SHISA9: variants seen among roughly 807,000 people sequenced by gnomAD.
SHISA9 encodes the protein protein shisa-9.
In SHISA9, 13 loss-of-function variants were observed where a neutral mutation model predicts 38.0. The ratio of observed to expected loss-of-function variants is 0.34; its 90% confidence interval spans 0.22 to 0.54. SHISA9 has a LOEUF of 0.54. Ranked by LOEUF, SHISA9 falls within the 20% of genes least tolerant of loss-of-function variation. The pLI, the probability that SHISA9 is intolerant of heterozygous loss-of-function variation, is 0.91. For synonymous variants in SHISA9, 275 were observed against 242.0 expected, an observed-to-expected ratio of 1.14 and a Z score of -1.27; for missense variants, 538 against 575.8, an observed-to-expected ratio of 0.93 and a Z score of 0.67.
At chr16:13,094,706 C>T (rs1360520198) in intron 2 of SHISA9, among the ~76,000 whole-genome samples, 1 of 152,088 alleles carries the variant, frequency 6.6e-6, no homozygotes, top group Non-Finnish European at 1.5e-5. Context: ...CCTGATTGGC[C>T]TGTAGACTTT....
chr16:13,027,446 C>G (rs1195390797), intron 2 of SHISA9, among the ~76,000 whole-genome samples: 1 of 152,128 alleles, frequency 6.6e-6, no homozygotes, highest in African/African-American at 2.4e-5. Flanking sequence ...TCCTCTGTAT[C>G]TATCCAAGAG....
chr16:13,371,902 G>C, the SHISA9 span, among the ~76,000 whole-genome samples: 5 of 152,164 alleles, frequency 3.3e-5, no homozygotes, highest in African/African-American at 4.8e-5. Context: ...ATTCCAACTT[G>C]ACTTCTCAAA....
chr16:13,362,214 CAAAA>C, the SHISA9 span, among the ~76,000 whole-genome samples: 1 of 127,526 alleles, frequency 7.8e-6, no homozygotes. Flanking sequence ...GAACGACAGC[CAAAA>C]AAAAAAAAAA....
At chr16:13,033,378 A>C (rs1310630549) in intron 2 of SHISA9, among the ~76,000 whole-genome samples, 1 of 152,134 alleles carries the variant, frequency 6.6e-6, no homozygotes, top group Admixed American at 6.5e-5. Context: ...CACTATAAGA[A>C]CCAAAACCAG....
intron 2 of SHISA9, among the ~76,000 whole-genome samples, chr16:13,109,764 C>T (rs1322290862): frequency 6.6e-6 from 1 of 152,140 alleles, no homozygotes; most frequent in Non-Finnish European, 1.5e-5. Context: ...TGGAATTATA[C>T]AGTATGTGAT....
chr16:13,406,971 G>A, the SHISA9 span, among the ~76,000 whole-genome samples: 1 of 150,102 alleles, frequency 6.7e-6, no homozygotes, highest in Non-Finnish European at 1.5e-5. Flanking sequence ...GGGAGGCTGA[G>A]GCAGAAGAAT....
chr16:13,027,646 C>A (rs747367315), intron 2 of SHISA9, among the ~76,000 whole-genome samples: 1 of 152,032 alleles, frequency 6.6e-6, no homozygotes, highest in East Asian at 1.9e-4. Context: ...CAAAACATGG[C>A]TGAATCTCAA....
intron 2 of SHISA9, among the ~76,000 whole-genome samples, chr16:13,091,013 G>A (rs757323490): frequency 1.3e-5 from 2 of 152,152 alleles, no homozygotes; most frequent in Non-Finnish European, 2.9e-5. Context: ...AAATCTCTGA[G>A]CATTGGCTTG....
chr16:13,403,355 G>A, the SHISA9 span, among the ~76,000 whole-genome samples: 3 of 152,172 alleles, frequency 2.0e-5, no homozygotes, highest in African/African-American at 7.2e-5. Context: ...TTTTATTCCT[G>A]ATTGTAGTCA....
chr16:13,304,457 C>A, the SHISA9 span, among the ~76,000 whole-genome samples: 6 of 152,134 alleles, frequency 3.9e-5, no homozygotes, highest in Non-Finnish European at 8.8e-5. Flanking sequence ...AGGGTTTTGC[C>A]GTGTTGCCCA....
At chr16:13,286,395 A>G in the SHISA9 span, among the ~76,000 whole-genome samples, 1 of 152,168 alleles carries the variant, frequency 6.6e-6, no homozygotes, top group Non-Finnish European at 1.5e-5. Context: ...TTACAATTTT[A>G]TATCCTATTT....
At chr16:13,232,634 A>G (rs1381877710) in intron 4 of SHISA9, among the ~76,000 whole-genome samples, 2 of 152,206 alleles carry the variant, frequency 1.3e-5, no homozygotes, top group African/African-American at 2.4e-5. Flanking sequence ...TGAGACATCA[A>G]TCAAATACAT....
At chr16:12,949,626 T>TA (rs1449839892) in intron 2 of SHISA9, among the ~76,000 whole-genome samples, 12 of 152,354 alleles carry the variant, frequency 7.9e-5, no homozygotes, top group African/African-American at 2.9e-4. Context: ...TTAATAATTT[T>TA]AAAAAATTGC....
chr16:12,908,425 A>T lies in SHISA9; in HGVS notation c.563+5798A>T, dbSNP rs111352989. 3.6e-5 allele frequency: 55 copies of T among 1,546,010 alleles called. No individual in the cohort carries two copies. The African/African-American group carries it at 7.1e-4, about 20-fold the overall frequency. On this transcript the variant is annotated intron_variant, in intron 1 of 4. Coordinates refer to ENST00000558583, the MANE Select transcript of SHISA9 (RefSeq NM_001145204.3). ...TCCTTGTTGGTTTTGCAATTTTGCC[A>T]TAAGCTTATGTGTAAATTCTCGTTT...
At chr16:13,458,142 A>T in the SHISA9 span, among the ~76,000 whole-genome samples, 1 of 152,232 alleles carries the variant, frequency 6.6e-6, no homozygotes, top group African/African-American at 2.4e-5. Flanking sequence ...ACAGTGAAGG[A>T]TAACATAGAC....
At chr16:13,241,648 G>C (rs1027871285), downstream of SHISA9, among the ~76,000 whole-genome samples, 7 of 152,166 alleles carry the variant, frequency 4.6e-5, no homozygotes, top group Admixed American at 3.3e-4. Context: ...AGAGATCTGG[G>C]GTCCCTGGGG....
chr16:13,521,100 C>T, the SHISA9 span, among the ~76,000 whole-genome samples: 16 of 152,204 alleles, frequency 1.1e-4, no homozygotes, highest in African/African-American at 2.7e-4. Context: ...ACTGATGTCT[C>T]ATCAGTGAAG....
chr16:13,437,564 G>A, the SHISA9 span, among the ~76,000 whole-genome samples: 587 of 152,228 alleles, frequency 3.9e-3, 7 homozygotes, highest in African/African-American at 0.014. Context: ...GGGCCCGTGT[G>A]TTTACCCTCT....
chr16:13,210,870 T>C (rs1399828805), intron 3 of SHISA9, among the ~76,000 whole-genome samples: 1 of 152,348 alleles, frequency 6.6e-6, no homozygotes, highest in East Asian at 1.9e-4. Flanking sequence ...CATGAAACTA[T>C]GCTGTCTTCT....
Sources: allele counts gnomAD v4.1 joint callset (sites outside exome capture counted in the v4.1 genomes callset), GRCh38; gene constraint gnomAD v4.1.1; transcripts MANE v1.5; gene names NCBI Gene and HGNC (gene_info 2026-07-23, HGNC 2026-07-21).